Variants in LIX1 observed in about 807,000 individuals in gnomAD.
LIX1 encodes the protein limb and CNS expressed 1.
LIX1 carries 24 observed loss-of-function variants against 33.4 expected under a neutral mutation model. That is an observed-to-expected ratio of 0.72 (90% CI 0.52 to 1.01). LIX1 has a LOEUF of 1.01. Among genes scored for constraint, LIX1 ranks in the 50% least tolerant of loss-of-function variants. The pLI, the probability that LIX1 is intolerant of heterozygous loss-of-function variation, is 0.00. For synonymous variants in LIX1, 124 were observed against 124.0 expected (o/e 1.00, Z 0.00); for missense variants, 311 against 339.2 (o/e 0.92, Z 0.65).
At chr5:97,120,173 C>G (rs1203605975) in intron 2 of LIX1, among the ~76,000 whole-genome samples, 2 of 152,180 alleles carry the variant, frequency 1.3e-5, no homozygotes, top group African/African-American at 2.4e-5. Context: ...TTTACTGTTA[C>G]TGACTTTTCC....
At chr5:97,128,289 G>T (rs890651603) in intron 1 of LIX1, among the ~76,000 whole-genome samples, 11 of 152,140 alleles carry the variant, frequency 7.2e-5, no homozygotes, top group African/African-American at 2.7e-4. Context: ...CTTCTTAGCT[G>T]TGTTTGATAA....
At chr5:97,099,567 G>C (rs1746577028) in intron 4 of LIX1, among the ~76,000 whole-genome samples, 1 of 152,200 alleles carries the variant, frequency 6.6e-6, no homozygotes, top group African/African-American at 2.4e-5. Context: ...GCCAGGTGTG[G>C]TGGCTTGTGC....
In LIX1 at chr5:97,139,263, C is replaced by T. The variant is rs111696309; in HGVS notation, c.82+3232G>A. Among the ~76,000 whole-genome samples the T allele has an allele frequency of 3.1e-3, 471 of 152,310 alleles. 2 individuals carry two copies. The highest frequency in any genetic ancestry group is 0.011 in the African/African-American group (444 of 41,564). On this transcript the variant is annotated intron_variant, in intron 1 of 5. Transcript: ENST00000274382. ...AAGAATAAATGTTTCTAGTACAGTG[C>T]CTATCACATGATGAGGACTTGATGT...
At position 97,136,638 on chromosome 5, in the gene LIX1, A is replaced by G. The variant is rs138927195; in HGVS notation, c.82+5857T>C. 5.3e-5 allele frequency among the ~76,000 whole-genome samples: 8 copies of G among 152,318 alleles called. No individual in the cohort carries two copies. In the East Asian group the frequency reaches 1.5e-3, roughly 29 times the overall value. ...CACATGAGGGAAATGTAAACTAAAT[A>G]GCACAGGCCATAAGTGCCAAAGGAG... is the stretch of plus-strand genomic sequence containing the variant. On this transcript the variant is annotated intron_variant, in intron 1 of 5. Transcript: ENST00000274382.
chr5:97,141,870 T>TA (rs914241570), intron 1 of LIX1, among the ~76,000 whole-genome samples: 6 of 152,188 alleles, frequency 3.9e-5, no homozygotes, highest in East Asian at 1.9e-4. Context: ...TTTAAATCAT[T>TA]AAAAAAAAGA....
intron 4 of LIX1, among the ~76,000 whole-genome samples, chr5:97,104,576 C>T (rs368958085): frequency 7.2e-5 from 11 of 152,142 alleles, no homozygotes; most frequent in South Asian, 4.1e-4. Context: ...ATGCTAAGCA[C>T]GGGCCAAAGT....
intron 4 of LIX1, among the ~76,000 whole-genome samples, chr5:97,100,672 T>C (rs1324916004): frequency 6.6e-6 from 1 of 151,874 alleles, no homozygotes; most frequent in Non-Finnish European, 1.5e-5. Flanking sequence ...GATTGCAGAG[T>C]GGGAAGGAGA....
chr5:97,093,093 T>A lies in LIX1; in HGVS notation c.*1655A>T, dbSNP rs977429524. On this transcript the variant is annotated 3_prime_UTR_variant, in exon 6 of 6. Transcript: ENST00000274382. ...AAGATATTAAGGTATGACAATTATGTAGCTAATTGTTCCCCTGGTGTGAGA... is the reference window on the plus strand; with the variant it reads ...AAGATATTAAGGTATGACAATTATGAAGCTAATTGTTCCCCTGGTGTGAGA... The A allele has an allele frequency of 2.0e-5, 3 of 152,312 alleles. No individual in the cohort carries two copies. Among genetic ancestry groups the A allele is most frequent in the Non-Finnish European group, 2.9e-5 (2 of 68,042 alleles). The allele number at this position is 152,312 out of a possible 1,614,324, so 9.4% of individuals were successfully genotyped here.
chr5:97,103,688 G>A (rs1041828257), intron 4 of LIX1, among the ~76,000 whole-genome samples: 2 of 152,294 alleles, frequency 1.3e-5, no homozygotes, highest in Admixed American at 1.3e-4. Flanking sequence ...GACTAAGGCC[G>A]GGCACGGTGG....
chr5:97,103,632 C>A (rs542374918), intron 4 of LIX1, among the ~76,000 whole-genome samples: 11 of 152,146 alleles, frequency 7.2e-5, no homozygotes, highest in African/African-American at 2.7e-4. Context: ...AGACAGGCTA[C>A]GTCAAAGGTC....
At position 97,119,520 on chromosome 5, in the gene LIX1, A is replaced by G. The variant is rs1223526959; in HGVS notation, c.246+4946T>C. On this transcript the variant is annotated intron_variant, in intron 2 of 5. Coordinates refer to ENST00000274382, the MANE Select transcript of LIX1 (RefSeq NM_153234.5). ...ATATTTTGGAGGGCCAAATGGGTGAAGGGGCCAGATTTGGCAGCCAACCAC... is the reference window on the plus strand; with the variant it reads ...ATATTTTGGAGGGCCAAATGGGTGAGGGGGCCAGATTTGGCAGCCAACCAC... Among the ~76,000 whole-genome samples, 3 of 152,196 alleles carry G rather than the reference A, an allele frequency of 2.0e-5. No individual in the cohort carries two copies. In the South Asian group the frequency reaches 6.2e-4, roughly 32 times the overall value.
intron 4 of LIX1, 60 bp from the exon 5 acceptor site, chr5:97,096,947 G>C (rs892426788): frequency 2.4e-6 from 3 of 1,224,870 alleles, no homozygotes; most frequent in Non-Finnish European, 3.6e-6. Flanking sequence ...GGTGAGAGCT[G>C]AGCAGGGCAT....
chr5:97,096,864 T>C lies in LIX1; in HGVS notation c.507A>G (p.Leu169=), dbSNP rs1243340183. 1 of 1,613,980 alleles carries C rather than the reference T, an allele frequency of 6.2e-7. No homozygotes were observed. The change falls in exon 5 of 6, where the codon CTA becomes CTG. Residue 169 remains leucine, a synonymous_variant. Coordinates refer to ENST00000274382, the MANE Select transcript of LIX1 (RefSeq NM_153234.5). ...EFQELMTIFQ[L]LHWNGSLKAL... is the part of the protein sequence containing the mutation. ...CTTTTAGGCTTCCATTCCAGTGCAATAGTTGGAAAATGGTCATCAGCTCCT... is the reference window on the plus strand; with the variant it reads ...CTTTTAGGCTTCCATTCCAGTGCAACAGTTGGAAAATGGTCATCAGCTCCT...
chr5:97,094,631 T>C lies in LIX1; in HGVS notation c.*117A>G. The C allele has an allele frequency of 2.2e-6, 2 of 909,878 alleles. No individual in the cohort carries two copies. Among genetic ancestry groups the C allele is most frequent in the Non-Finnish European group, 3.3e-6 (2 of 599,136 alleles). The allele number at this position is 909,878 out of a possible 1,614,324, so 56.4% of individuals were successfully genotyped here. ...CTGTAAATGGAATGTGTGGAGAGGG[T>C]TAGGAGAGCCTTCAGGTAGTACTAG... is the stretch of plus-strand genomic sequence containing the variant. On this transcript the variant is annotated 3_prime_UTR_variant, in exon 6 of 6. Coordinates refer to ENST00000274382, the MANE Select transcript of LIX1 (RefSeq NM_153234.5).
At chr5:97,130,313 G>A (rs1360090944) in intron 1 of LIX1, among the ~76,000 whole-genome samples, 2 of 152,204 alleles carry the variant, frequency 1.3e-5, no homozygotes, top group Admixed American at 6.5e-5. Flanking sequence ...AGCTACAGTC[G>A]AAAACACATT....
chr5:97,120,621 T>C (rs1580236457), intron 2 of LIX1, among the ~76,000 whole-genome samples: 1 of 151,998 alleles, frequency 6.6e-6, no homozygotes, highest in Admixed American at 6.6e-5. Flanking sequence ...CCTAAGTAGA[T>C]CTCAATGTGA....
intron 2 of LIX1, among the ~76,000 whole-genome samples, chr5:97,118,413 G>T (rs1464799218): frequency 6.6e-6 from 1 of 152,152 alleles, no homozygotes; most frequent in Admixed American, 6.5e-5. Context: ...AGCAAAAACA[G>T]CTGCTGCAAC....
chr5:97,103,782 G>A (rs1054268079), intron 4 of LIX1, among the ~76,000 whole-genome samples: 13 of 152,104 alleles, frequency 8.5e-5, no homozygotes, highest in Middle Eastern at 3.4e-3. Context: ...TGGCTAACAC[G>A]GTGAAATCCC....
chr5:97,137,241 A>G (rs972296248), intron 1 of LIX1: 7 of 335,844 alleles, frequency 2.1e-5, no homozygotes, highest in Middle Eastern at 3.8e-4. Context: ...GTGAGATGGG[A>G]GAGCAGTCAA....
Sources: allele counts gnomAD v4.1 joint callset (sites outside exome capture counted in the v4.1 genomes callset), GRCh38; gene constraint gnomAD v4.1.1; transcripts MANE v1.5; gene names NCBI Gene and HGNC (gene_info 2026-07-23, HGNC 2026-07-21).